Variants in IRGC observed in about 807,000 individuals in gnomAD.
IRGC encodes interferon-inducible GTPase 5.
In IRGC, 4 loss-of-function variants were observed where a neutral mutation model predicts 16.1. That is an observed-to-expected ratio of 0.25 (90% confidence interval 0.12 to 0.57). The LOEUF is 0.57. Among genes scored for constraint, IRGC ranks in the 20% least tolerant of loss-of-function variants. The pLI is 0.92. For missense variants in IRGC, 570 were observed against 643.9 expected, an observed-to-expected ratio of 0.89 and a Z score of 1.24; for synonymous variants, 307 against 299.5, an observed-to-expected ratio of 1.03 and a Z score of -0.26.
chr19:43,717,179 A>T (rs1052705119), intron 1 of IRGC, among the ~76,000 whole-genome samples: 1 of 152,112 alleles, frequency 6.6e-6, no homozygotes, highest in Admixed American at 6.5e-5. Flanking sequence ...TGGCTTCCCG[A>T]ACCCAAGGGC....
chr19:43,717,741 G>A (rs950983569), intron 1 of IRGC, among the ~76,000 whole-genome samples: 5 of 152,182 alleles, frequency 3.3e-5, no homozygotes, highest in African/African-American at 7.2e-5. Context: ...GGCCCAGTAC[G>A]AAATGAAAAT....
chr19:43,720,015 CA>C lies in IRGC; in HGVS notation c.*71del. 2 of 1,559,400 alleles carry C rather than the reference CA, an allele frequency of 1.3e-6. No individual in the cohort carries two copies. Among genetic ancestry groups the C allele is most frequent in the Non-Finnish European group, 1.7e-6 (2 of 1,144,368 alleles). ...GTCTTAACAAAATCCAAATTACCAA[CA>C]AAAAAGGCCGATGTGGTGAATGTGA... On this transcript the variant is annotated 3_prime_UTR_variant, in exon 2 of 2. Transcript: ENST00000244314.
At position 43,718,986 on chromosome 19, in the gene IRGC, G is replaced by T. The variant is rs56159111; in HGVS notation, c.428G>T (p.Arg143Leu). The T allele has an allele frequency of 1.3e-4, 206 of 1,610,272 alleles. No individual in the cohort carries two copies. The highest frequency in any genetic ancestry group is 1.7e-4 in the Non-Finnish European group (203 of 1,178,810). ...RYDFFLLVSP[R>L]RCGAVETRLA... ...GACTTCTTCCTGCTGGTCTCCCCCC[G>T]CCGCTGCGGGGCCGTCGAGACCCGC... The change falls in exon 2 of 2, where the codon CGC (arginine) becomes CTC (leucine). Residue 143 changes from arginine to leucine, a missense_variant. Physicochemically the swap from Arg to Leu is moderately radical, Grantham distance 102. Coordinates refer to ENST00000244314, the MANE Select transcript of IRGC (RefSeq NM_019612.4).
rs748285751 is a variant in IRGC, at chr19:43,719,503, G to T, written c.945G>T (p.Leu315=). The change falls in exon 2 of 2, where the codon CTG becomes CTT. Residue 315 remains leucine (L), a synonymous_variant. Transcript: ENST00000244314. ...TGGACGACGACTCGCTGGCCAAGCT[G>T]GCCGAGCAGGTGGGCAAACAGGCAG... ...FGLDDDSLAK[L]AEQVGKQAGD... is the part of the protein sequence containing the mutation. 3.1e-6 allele frequency: 5 copies of T among 1,603,968 alleles called. No homozygotes were observed. The South Asian group carries it at 5.5e-5, about 18-fold the overall frequency.
intron 1 of IRGC, among the ~76,000 whole-genome samples, chr19:43,716,581 A>G (rs12972416): frequency 0.17 from 25,148 of 151,874 alleles, 2,701 homozygotes; most frequent in South Asian, 0.24. Flanking sequence ...CAAGTGATCC[A>G]CCCACCTCGG....
chr19:43,718,327 C>T (rs1968200558), intron 1 of IRGC, 166 bp from the exon 2 acceptor site: 2 of 727,968 alleles, frequency 2.7e-6, no homozygotes, highest in Admixed American at 7.8e-5. Flanking sequence ...CTGGGCCTGC[C>T]AGACCCCAAA....
At position 43,719,746 on chromosome 19, in the gene IRGC, C is replaced by T; in HGVS notation, c.1188C>T (p.Ala396=). 6.2e-7 allele frequency: 1 copy of T among 1,613,638 alleles called. No homozygotes were observed. The highest frequency in any genetic ancestry group is 8.5e-7 in the Non-Finnish European group (1 of 1,179,862). The change falls in exon 2 of 2, where the codon GCC becomes GCT. Residue 396 remains alanine, a synonymous_variant. Transcript: ENST00000244314. ...GCCTCAACGAGATGGCTGAGGACGCCCAGCGTGTCCGCATCAAGGCCCTGG... is the reference window on the plus strand; with the variant it reads ...GCCTCAACGAGATGGCTGAGGACGCTCAGCGTGTCCGCATCAAGGCCCTGG... ...QGCLNEMAED[A]QRVRIKALED...
chr19:43,719,666 A>T lies in IRGC; in HGVS notation c.1108A>T (p.Thr370Ser). The T allele has an allele frequency of 3.7e-6, 6 of 1,609,366 alleles. No homozygotes were observed. The highest frequency in any genetic ancestry group is 5.1e-6 in the Non-Finnish European group (6 of 1,179,946). ...AFERGIPVFG[T>S]LVAGGISFGA... is the part of the protein sequence containing the mutation. ...TGAGAGGGGCATCCCTGTGTTTGGG[A>T]CGCTGGTGGCTGGCGGCATCAGCTT... The change falls in exon 2 of 2, where the codon ACG becomes TCG. Residue 370 changes from threonine (T) to serine (S), a missense_variant. By Grantham distance (58) the Thr-to-Ser change is moderately conservative (BLOSUM62 1). Coordinates refer to ENST00000244314, the MANE Select transcript of IRGC (RefSeq NM_019612.4).
Position 43,719,968 on chromosome 19 carries a change from C to T in IRGC, c.*18C>T. The stretch of plus-strand genomic sequence containing the variant: ...AGAAATAAAGAGTGCAGCCCCGCCC[C>T]CCTGCCTCACCCACAAACTAAGTCT... On this transcript the variant is annotated 3_prime_UTR_variant, in exon 2 of 2. Coordinates refer to ENST00000244314, the MANE Select transcript of IRGC (RefSeq NM_019612.4). The T allele has an allele frequency of 6.2e-7, 1 of 1,610,702 alleles. No homozygotes were observed. The highest frequency in any genetic ancestry group is 8.5e-7 in the Non-Finnish European group (1 of 1,179,354).
intron 1 of IRGC, 86 bp from the exon 2 acceptor site, chr19:43,718,407 C>A: frequency 7.2e-7 from 1 of 1,390,762 alleles, no homozygotes. Context: ...GCTTCCAGGG[C>A]GACTCCCTTC....
In IRGC at chr19:43,718,273, C is replaced by T. The variant is rs757058491; in HGVS notation, c.-66-220C>T. ...TTACCCAGAGAGGTGCTTCATTTTG[C>T]CCCTGGTCACACAGCAAGTTAGTGG... is the stretch of plus-strand genomic sequence containing the variant. On this transcript the variant is annotated intron_variant, in intron 1 of 1. Coordinates refer to ENST00000244314, the MANE Select transcript of IRGC (RefSeq NM_019612.4). The T allele has an allele frequency of 1.4e-4, 53 of 381,074 alleles. No individual in the cohort carries two copies. The Admixed American group carries it at 1.6e-3, about 11-fold the overall frequency. 23.6% of individuals were successfully genotyped at this position (381,074 alleles called of 1,614,324 possible).
chr19:43,719,309 A>C lies in IRGC; in HGVS notation c.751A>C (p.Ile251Leu). The change falls in exon 2 of 2, where the codon ATC (isoleucine) becomes CTC (leucine). Residue 251 changes from isoleucine (I) to leucine (L), a missense_variant. Ile to Leu is a conservative substitution (Grantham distance 5, BLOSUM62 2). Coordinates refer to ENST00000244314, the MANE Select transcript of IRGC (RefSeq NM_019612.4). Reference sequence around the variant, plus strand: ...CGCTGGCCTGCTGTCGCTCCCCGACATCTCGCTGGAGGCCTTGCAGAAGAA... The same window carrying C: ...CGCTGGCCTGCTGTCGCTCCCCGACCTCTCGCTGGAGGCCTTGCAGAAGAA... ...RHAGLLSLPD[I>L]SLEALQKKKA... is the part of the protein sequence containing the mutation. 6.2e-7 allele frequency: 1 copy of C among 1,610,326 alleles called. No homozygotes were observed. Among genetic ancestry groups the C allele is most frequent in the Non-Finnish European group, 8.5e-7 (1 of 1,177,810 alleles).
At position 43,718,494 on chromosome 19, in the gene IRGC, C is replaced by T. The variant is rs77469469; in HGVS notation, c.-65C>T. The T allele has an allele frequency of 7.7e-4, 1,156 of 1,510,878 alleles. 8 individuals are homozygous for T. The African/African-American group carries it at 0.014, about 18-fold the overall frequency. The allele number at this position is 1,510,878 out of a possible 1,614,324, so 93.6% of individuals were successfully genotyped here. On this transcript the variant is annotated splice_region_variant and 5_prime_UTR_variant, in exon 2 of 2. Transcript: ENST00000244314. Reference sequence around the variant, plus strand: ...GAATGGCTCCCTTCTCCTCTGCAGGCGCTGAGGATCACGCATCCTGTGACT... The same window carrying T: ...GAATGGCTCCCTTCTCCTCTGCAGGTGCTGAGGATCACGCATCCTGTGACT...
intron 1 of IRGC, among the ~76,000 whole-genome samples, chr19:43,716,380 T>TTC (rs1968170247): frequency 6.6e-6 from 1 of 151,982 alleles, no homozygotes; most frequent in Non-Finnish European, 1.5e-5. Context: ...TTTTTTTTTT[T>TTC]CTGAGACGGA....
In IRGC at chr19:43,719,092, C is replaced by T; in HGVS notation, c.534C>T (p.Arg178=). 1 of 1,609,672 alleles carries T rather than the reference C, an allele frequency of 6.2e-7. No individual in the cohort carries two copies. The highest frequency in any genetic ancestry group is 8.5e-7 in the Non-Finnish European group (1 of 1,177,902). The change falls in exon 2 of 2, where the codon CGC becomes CGT. Residue 178 remains arginine (R), a synonymous_variant. Transcript: ENST00000244314. Reference sequence around the variant, plus strand: ...TGGACGAGGACCTGGCGGCCACGCGCACCCAGCGGCCGTCGGGCTTCAGAG... The same window carrying T: ...TGGACGAGGACCTGGCGGCCACGCGTACCCAGCGGCCGTCGGGCTTCAGAG... ...TKVDEDLAAT[R]TQRPSGFREA...
rs528054051 is a variant in IRGC, at chr19:43,719,696, G to A, written c.1138G>A (p.Ala380Thr). Residue 380 changes from alanine to threonine, a missense_variant, in exon 2 of 2, where the codon GCT becomes ACT. Coordinates refer to ENST00000244314, the MANE Select transcript of IRGC (RefSeq NM_019612.4). ...TLVAGGISFG[A>T]VYTMLQGCLN... ...GGTGGCTGGCGGCATCAGCTTTGGC[G>A]CTGTCTACACCATGCTCCAGGGCTG... is the stretch of plus-strand genomic sequence containing the variant. The A allele has an allele frequency of 6.8e-6, 11 of 1,611,854 alleles. No individual in the cohort carries two copies. The highest frequency in any genetic ancestry group is 3.3e-5 in the Admixed American group (2 of 59,956).
rs143593840 is a variant in IRGC, at chr19:43,719,933, G to C, written c.1375G>C (p.Asp459His). 776 of 1,613,352 alleles carry C rather than the reference G, an allele frequency of 4.8e-4. 2 individuals are homozygous for C. The African/African-American group carries it at 8.8e-3, about 18-fold the overall frequency. The change falls in exon 2 of 2, where the codon GAC becomes CAC. Residue 459 changes from aspartate to histidine, a missense_variant. Coordinates refer to ENST00000244314, the MANE Select transcript of IRGC (RefSeq NM_019612.4). Reference sequence around the variant, plus strand: ...CATTCTGGACAGCTGGAAGAAACACGACTCAGAAGAGAAATAAAGAGTGCA... The same window carrying C: ...CATTCTGGACAGCTGGAAGAAACACCACTCAGAAGAGAAATAAAGAGTGCA... ...KYILDSWKKH[D>H]SEEK
intron 1 of IRGC, among the ~76,000 whole-genome samples, chr19:43,717,601 T>C (rs1164024788): frequency 6.6e-6 from 1 of 152,176 alleles, no homozygotes; most frequent in African/African-American, 2.4e-5. Context: ...GCTCCGGGTC[T>C]GGGTCCCCTC....
chr19:43,719,227 C>T lies in IRGC; in HGVS notation c.669C>T (p.Tyr223=), dbSNP rs760760691. The change falls in exon 2 of 2, where the codon TAC becomes TAT. Residue 223 remains tyrosine, a synonymous_variant. Transcript: ENST00000244314. ...FLVSNLSPAR[Y]DFPTLVSTWE... is the part of the protein sequence containing the mutation. ...TGTCCAACCTCTCGCCGGCCCGCTA[C>T]GACTTTCCCACGCTGGTGTCCACCT... 3.7e-6 allele frequency: 6 copies of T among 1,609,618 alleles called. No individual in the cohort carries two copies. Among genetic ancestry groups the T allele is most frequent in the South Asian group, 2.2e-5 (2 of 90,958 alleles).
Sources: allele counts gnomAD v4.1 joint callset (sites outside exome capture counted in the v4.1 genomes callset), GRCh38; gene constraint gnomAD v4.1.1; transcripts MANE v1.5; gene names NCBI Gene and HGNC (gene_info 2026-07-23, HGNC 2026-07-21).